Variants in ITGBL1 observed in about 807,000 individuals in gnomAD.
The protein encoded by ITGBL1 is integrin subunit beta like 1, also known as integrin beta-like protein 1.
In ITGBL1, 51 loss-of-function variants were observed where a neutral mutation model predicts 68.5. The observed-to-expected ratio is 0.74, with a 90% confidence interval of 0.59 to 0.94. ITGBL1 has a LOEUF of 0.94. Among genes scored for constraint, ITGBL1 ranks in the 40% least tolerant of loss-of-function variants. The pLI is 0.00. For missense variants in ITGBL1, 649 were observed against 647.4 expected, an observed-to-expected ratio of 1.00 and a Z score of -0.03; for synonymous variants, 209 against 227.3, an observed-to-expected ratio of 0.92 and a Z score of 0.72.
intron 2 of ITGBL1, among the ~76,000 whole-genome samples, chr13:101,487,825 G>A (rs1346711479): frequency 6.6e-6 from 1 of 152,156 alleles, no homozygotes; most frequent in East Asian, 1.9e-4. Context: ...TAGCTTGTAG[G>A]TTTTATTTCC....
chr13:101,545,240 T>C (rs1224955230), intron 2 of ITGBL1, among the ~76,000 whole-genome samples: 2 of 152,182 alleles, frequency 1.3e-5, no homozygotes, highest in Non-Finnish European at 2.9e-5. Context: ...GAGCTGGCGG[T>C]GTTTTGGAGA....
At chr13:101,607,974 G>A (rs1307942964) in intron 7 of ITGBL1, among the ~76,000 whole-genome samples, 3 of 151,966 alleles carry the variant, frequency 2.0e-5, no homozygotes, top group Non-Finnish European at 4.4e-5. Context: ...TTTCTTATCT[G>A]TCCTGTTTGC....
chr13:101,622,318 A>G lies in ITGBL1; in HGVS notation c.1015+24019A>G, dbSNP rs566936620. 2.0e-5 allele frequency among the ~76,000 whole-genome samples: 3 copies of G among 152,286 alleles called. No individual in the cohort carries two copies. In the East Asian group the frequency reaches 5.8e-4, roughly 29 times the overall value. On this transcript the variant is annotated intron_variant, in intron 7 of 10. Coordinates refer to ENST00000376180, the MANE Select transcript of ITGBL1 (RefSeq NM_004791.3). ...CATGATTATCCCTACACAGCTAGTAATAACACCAGCGTCTCTGTCTATATA... is the reference window on the plus strand; with the variant it reads ...CATGATTATCCCTACACAGCTAGTAGTAACACCAGCGTCTCTGTCTATATA...
chr13:101,559,646 A>G (rs1259640592), intron 2 of ITGBL1, among the ~76,000 whole-genome samples: 2 of 152,188 alleles, frequency 1.3e-5, no homozygotes, highest in African/African-American at 4.8e-5. Flanking sequence ...AAATTCCAGA[A>G]CTAAACAGAT....
chr13:101,476,477 TCTTTA>T lies in ITGBL1; in HGVS notation c.316+22381_316+22385del, dbSNP rs367848170. ...CAAGTAACAAAATGGCAAGATTAAG[TCTTTA>T]CTTATTAATAATAATATTGAATATA... On this transcript the variant is annotated intron_variant, in intron 2 of 10. Transcript: ENST00000376180. Among the ~76,000 whole-genome samples, 83 of 152,096 alleles carry T rather than the reference TCTTTA, an allele frequency of 5.5e-4. 1 individual carries two copies. The East Asian group carries it at 0.016, about 29-fold the overall frequency.
chr13:101,531,225 T>A (rs1216522034), intron 2 of ITGBL1, among the ~76,000 whole-genome samples: 1 of 152,178 alleles, frequency 6.6e-6, no homozygotes, highest in African/African-American at 2.4e-5. Flanking sequence ...TGTAAGTGAC[T>A]AAAAGTTATG....
chr13:101,455,614 A>G (rs2048232932), intron 2 of ITGBL1, among the ~76,000 whole-genome samples: 1 of 152,262 alleles, frequency 6.6e-6, no homozygotes, highest in Non-Finnish European at 1.5e-5. Flanking sequence ...CAGAGAGCCA[A>G]GATCATGCCA....
chr13:101,717,736 C>A (rs2139632680), downstream of ITGBL1: 2 of 152,190 alleles, frequency 1.3e-5, no homozygotes, highest in African/African-American at 4.8e-5. Flanking sequence ...AGCTCCCAGG[C>A]CATACAAAAG....
At chr13:101,644,395 G>A (rs1357842422) in intron 7 of ITGBL1, among the ~76,000 whole-genome samples, 2 of 152,188 alleles carry the variant, frequency 1.3e-5, no homozygotes, top group African/African-American at 2.4e-5. Context: ...AATATTAGAA[G>A]TGGTGTCTAA....
chr13:101,487,467 AAATTTAGCTG>A (rs2139052439), intron 2 of ITGBL1, among the ~76,000 whole-genome samples: 1 of 152,386 alleles, frequency 6.6e-6, no homozygotes, highest in Admixed American at 6.5e-5. Flanking sequence ...CTGGTAGCGA[AAATTTAGCTG>A]AAATTGGCAA....
chr13:101,539,635 C>T (rs553257968), intron 2 of ITGBL1, among the ~76,000 whole-genome samples: 2 of 151,598 alleles, frequency 1.3e-5, no homozygotes, highest in East Asian at 3.9e-4. Flanking sequence ...ACACTGACTT[C>T]CACAATGGTT....
intron 7 of ITGBL1, among the ~76,000 whole-genome samples, chr13:101,682,023 C>T (rs1249283953): frequency 3.3e-5 from 5 of 152,146 alleles, no homozygotes; most frequent in Admixed American, 1.3e-4. Context: ...TGACAACTTT[C>T]CATAAGGCAG....
chr13:101,664,105 T>C (rs993504814), intron 7 of ITGBL1, among the ~76,000 whole-genome samples: 2 of 152,176 alleles, frequency 1.3e-5, no homozygotes, highest in African/African-American at 4.8e-5. Context: ...TTTGTCAAAT[T>C]AATGTTCTGA....
chr13:101,577,129 A>G (rs1268322525), intron 4 of ITGBL1, among the ~76,000 whole-genome samples: 1 of 152,212 alleles, frequency 6.6e-6, no homozygotes, highest in Non-Finnish European at 1.5e-5. Flanking sequence ...TTTGAGGCTT[A>G]AGCAATTTCA....
chr13:101,602,119 A>C (rs1275773276), intron 7 of ITGBL1, among the ~76,000 whole-genome samples: 10 of 152,106 alleles, frequency 6.6e-5, no homozygotes. Context: ...TCAATGTTAC[A>C]TTAAAAAACA....
chr13:101,507,133 C>G (rs1312007174), intron 2 of ITGBL1, among the ~76,000 whole-genome samples: 2 of 152,154 alleles, frequency 1.3e-5, no homozygotes, highest in East Asian at 3.9e-4. Flanking sequence ...TATGTAAAGT[C>G]AACCCTTTTC....
At chr13:101,660,316 A>G (rs9518478) in intron 7 of ITGBL1, among the ~76,000 whole-genome samples, 52,848 of 151,864 alleles carry the variant, frequency 0.35, 9,973 homozygotes, top group East Asian at 0.55. Context: ...ATGAAATCAT[A>G]GGGAGTTGAA....
At chr13:101,503,990 T>C (rs2048985106) in intron 2 of ITGBL1, among the ~76,000 whole-genome samples, 1 of 152,116 alleles carries the variant, frequency 6.6e-6, no homozygotes, top group Non-Finnish European at 1.5e-5. Flanking sequence ...TTTGACTTGG[T>C]AAAGCAAAGA....
chr13:101,570,300 C>T (rs1316797343), intron 3 of ITGBL1, among the ~76,000 whole-genome samples: 1 of 151,936 alleles, frequency 6.6e-6, no homozygotes, highest in East Asian at 1.9e-4. Context: ...ACATGCCTGC[C>T]TTTTGTTTTT....
Sources: gnomAD v4.1 joint callset for allele counts (sites outside exome capture counted in the v4.1 genomes callset) on GRCh38, gnomAD v4.1.1 for gene constraint, MANE v1.5 for transcripts, NCBI Gene and HGNC (gene_info 2026-07-23, HGNC 2026-07-21) for gene names.